NEGR1: variants seen among roughly 807,000 people sequenced by gnomAD.
NEGR1 encodes the protein neuronal growth regulator 1.
NEGR1 carries 10 observed loss-of-function variants against 40.9 expected under a neutral mutation model. The ratio of observed to expected loss-of-function variants is 0.24; its 90% CI spans 0.15 to 0.42. The LOEUF (loss-of-function observed/expected upper bound fraction) is 0.42, where lower values mean the gene tolerates loss of function less well. NEGR1 is among the 10% of genes least tolerant of loss of function. The pLI, the probability that NEGR1 is intolerant of heterozygous loss-of-function variation, is 1.00. For synonymous variants in NEGR1, 185 were observed against 166.8 expected, an observed-to-expected ratio of 1.11 and a Z score of -0.84; for missense variants, 352 against 438.9, an observed-to-expected ratio of 0.80 and a Z score of 1.77.
chr1:72,067,267 G>A (rs942392346), intron 1 of NEGR1, among the ~76,000 whole-genome samples: 22 of 151,954 alleles, frequency 1.4e-4, no homozygotes, highest in African/African-American at 4.8e-4. Flanking sequence ...TTTTGTTGTG[G>A]TGTAACAGTG....
intron 4 of NEGR1, among the ~76,000 whole-genome samples, chr1:71,695,569 A>G (rs1164991217): frequency 6.6e-6 from 1 of 151,756 alleles, no homozygotes; most frequent in Non-Finnish European, 1.5e-5. Flanking sequence ...ACAAAGTCTT[A>G]TTCTCTACCT....
chr1:71,571,787 CAAAA>C (rs34844215), intron 6 of NEGR1, among the ~76,000 whole-genome samples: 54 of 106,504 alleles, frequency 5.1e-4, no homozygotes, highest in African/African-American at 1.8e-3. Flanking sequence ...GCCCCTGTCT[CAAAA>C]AAAAAAAAAA....
chr1:72,186,382 A>C (rs1490724388), intron 1 of NEGR1, among the ~76,000 whole-genome samples: 1 of 151,700 alleles, frequency 6.6e-6, no homozygotes, highest in Non-Finnish European at 1.5e-5. Context: ...GGATCTCATT[A>C]GAGAGTTTAT....
At chr1:71,935,518 G>A (rs995532594) in intron 1 of NEGR1, among the ~76,000 whole-genome samples, 8 of 116,636 alleles carry the variant, frequency 6.9e-5, no homozygotes, top group Admixed American at 1.7e-4. Context: ...GTTTTTTTAA[G>A]TGTGTAGTGT....
At chr1:72,194,666 A>G (rs1471911440) in intron 1 of NEGR1, among the ~76,000 whole-genome samples, 1 of 152,062 alleles carries the variant, frequency 6.6e-6, no homozygotes, top group African/African-American at 2.4e-5. Flanking sequence ...ATAAATGTGA[A>G]GATCTAGAAA....
In NEGR1 at chr1:72,277,689, A is replaced by G. The variant is rs140259114; in HGVS notation, c.176+4630T>C. ...TTCATTATCCCTGCTCTTTTTAAAA[A>G]GAGAAAAAACTCAGGATTTTAAAAC... is the stretch of plus-strand genomic sequence containing the variant. On this transcript the variant is annotated intron_variant, in intron 1 of 6. Coordinates refer to ENST00000357731, the MANE Select transcript of NEGR1 (RefSeq NM_173808.3). Among the ~76,000 whole-genome samples, 924 of 152,122 alleles carry G rather than the reference A, an allele frequency of 6.1e-3. 12 individuals carry two copies. The highest frequency in any genetic ancestry group is 0.021 in the African/African-American group (881 of 41,552).
chr1:72,147,376 A>G (rs1393646808), intron 1 of NEGR1, among the ~76,000 whole-genome samples: 2 of 152,108 alleles, frequency 1.3e-5, no homozygotes, highest in African/African-American at 4.8e-5. Flanking sequence ...TAAACCCATC[A>G]GATTTCGTAA....
intron 4 of NEGR1, among the ~76,000 whole-genome samples, chr1:71,690,564 T>TAA (rs1278174471): frequency 9.9e-6 from 1 of 101,246 alleles, no homozygotes; most frequent in East Asian, 2.8e-4. Flanking sequence ...ATAAGTTATA[T>TAA]AACACACACA....
At chr1:71,750,009 C>T (rs374927903) in intron 3 of NEGR1, among the ~76,000 whole-genome samples, 11 of 119,952 alleles carry the variant, frequency 9.2e-5, no homozygotes, top group East Asian at 2.9e-4. Flanking sequence ...TTTTTTGAGA[C>T]GGAGTCTCGC....
intron 1 of NEGR1, among the ~76,000 whole-genome samples, chr1:72,029,681 T>C (rs545640682): frequency 6.6e-6 from 1 of 152,294 alleles, no homozygotes; most frequent in South Asian, 2.1e-4. Flanking sequence ...AAAAGTTATA[T>C]GCGACAAAAT....
intron 1 of NEGR1, among the ~76,000 whole-genome samples, chr1:72,220,914 G>GTT (rs3082236): frequency 0.023 from 3,225 of 140,760 alleles, 73 homozygotes; most frequent in Middle Eastern, 0.04. Context: ...CCTACCTAAA[G>GTT]TTTTTTTTTT....
At chr1:71,857,457 C>CAAAAAAAAAAA (rs34177437) in intron 2 of NEGR1, among the ~76,000 whole-genome samples, 19 of 77,636 alleles carry the variant, frequency 2.4e-4, no homozygotes, top group East Asian at 1.7e-3. Context: ...ACAAAAAATA[C>CAAAAAAAAAAA]AAAAAAAAAA....
chr1:71,484,059 A>G (rs554659821), intron 6 of NEGR1, among the ~76,000 whole-genome samples: 2 of 151,814 alleles, frequency 1.3e-5, no homozygotes, highest in African/African-American at 4.8e-5. Flanking sequence ...AAACTCATCA[A>G]TATTACCATA....
intron 3 of NEGR1, among the ~76,000 whole-genome samples, chr1:71,757,949 A>G (rs1402504012): frequency 2.0e-5 from 3 of 152,106 alleles, no homozygotes; most frequent in Admixed American, 1.3e-4. Flanking sequence ...CTAAAAAGTT[A>G]AAGCTCTTAA....
At chr1:72,215,909 C>T (rs960235136) in intron 1 of NEGR1, among the ~76,000 whole-genome samples, 2 of 151,834 alleles carry the variant, frequency 1.3e-5, no homozygotes, top group African/African-American at 4.8e-5. Flanking sequence ...CCCATGCACA[C>T]GTATGTTTAT....
At chr1:72,166,143 A>G (rs556754596) in intron 1 of NEGR1, among the ~76,000 whole-genome samples, 2 of 152,038 alleles carry the variant, frequency 1.3e-5, no homozygotes, top group African/African-American at 4.8e-5. Context: ...TTTTCCCAAA[A>G]CATACAGCCA....
At position 71,479,238 on chromosome 1, in the gene NEGR1, CTAA is replaced by C. The variant is rs1646839718; in HGVS notation, c.941-71671_941-71669del. Among the ~76,000 whole-genome samples the C allele has an allele frequency of 2.0e-5, 3 of 152,094 alleles. No homozygotes were observed. The South Asian group carries it at 6.2e-4, about 32-fold the overall frequency. On this transcript the variant is annotated intron_variant, in intron 6 of 6. Coordinates refer to ENST00000357731, the MANE Select transcript of NEGR1 (RefSeq NM_173808.3). ...GCTGTGCTCATCAGTCGACGCAGCA[CTAA>C]TGTTTTTCATTGTGCTTTTTTGGCG...
At chr1:71,827,316 G>A (rs1658664690) in intron 2 of NEGR1, among the ~76,000 whole-genome samples, 1 of 151,788 alleles carries the variant, frequency 6.6e-6, no homozygotes, top group South Asian at 2.1e-4. Context: ...GGTAAAATTT[G>A]ATAGATTGCT....
chr1:71,999,082 G>T (rs962754656), intron 1 of NEGR1, among the ~76,000 whole-genome samples: 3 of 151,878 alleles, frequency 2.0e-5, no homozygotes, highest in African/African-American at 7.2e-5. Flanking sequence ...CAAATGCCAG[G>T]CTTTACTATG....
Sources: allele counts gnomAD v4.1 joint callset (sites outside exome capture counted in the v4.1 genomes callset), GRCh38; gene constraint gnomAD v4.1.1; transcripts MANE v1.5; gene names NCBI Gene and HGNC (gene_info 2026-07-23, HGNC 2026-07-21).